Variants in TSC22D2 observed in about 807,000 individuals in gnomAD.
The protein encoded by TSC22D2 is TSC22 domain family protein 2.
TSC22D2 carries 5 observed loss-of-function variants against 50.1 expected under a neutral mutation model. The ratio of observed to expected loss-of-function variants is 0.10; its 90% CI spans 0.05 to 0.21. TSC22D2 has a LOEUF of 0.21. Among genes scored for constraint, TSC22D2 ranks in the 10% least tolerant of loss-of-function variants. TSC22D2 has a pLI of 1.00. For missense variants in TSC22D2, 1,003 were observed against 1,015.5 expected (o/e 0.99, Z 0.17); for synonymous variants, 501 against 450.1 (o/e 1.11, Z -1.43).
At chr3:150,445,492 CATAAAT>C (rs1426762745) in intron 1 of TSC22D2, among the ~76,000 whole-genome samples, 1 of 151,824 alleles carries the variant, frequency 6.6e-6, no homozygotes, top group Admixed American at 6.6e-5. Context: ...TTGGGTGAAA[CATAAAT>C]ATAAAACCTG....
Position 150,408,723 on chromosome 3 carries a change from G to C in TSC22D2, c.-628G>C, listed in dbSNP as rs1424058119. ...GCCGGGGAGGGAGGGCCGCCTGCCC[G>C]CGCCACAGCCCCACCGCCCGCCCGC... On this transcript the variant is annotated 5_prime_UTR_variant, in exon 1 of 3. Transcript: ENST00000688009. 7.8e-5 allele frequency: 12 copies of C among 152,978 alleles called. No homozygotes were observed. In the Admixed American group the frequency reaches 7.8e-4, roughly 10 times the overall value. 9.5% of individuals were successfully genotyped at this position (152,978 alleles called of 1,614,324 possible). A position where few individuals can be genotyped will look rare whatever the true frequency, so the allele number is the denominator to read the frequency against.
intron 1 of TSC22D2, among the ~76,000 whole-genome samples, chr3:150,421,043 A>T (rs889650046): frequency 3.3e-5 from 5 of 152,234 alleles, no homozygotes; most frequent in South Asian, 2.1e-4. Flanking sequence ...CGATTGTGCC[A>T]TTGCACTCCA....
At position 150,410,649 on chromosome 3, in the gene TSC22D2, C is replaced by T. The variant is rs1397001193; in HGVS notation, c.1299C>T (p.Pro433=). 3 of 1,553,598 alleles carry T rather than the reference C, an allele frequency of 1.9e-6. No homozygotes were observed. The highest frequency in any genetic ancestry group is 1.9e-5 in the Admixed American group (1 of 52,034). ...GAQLMGASSQ[P]SEAMAPRTGP... The stretch of plus-strand genomic sequence containing the variant: ...AGCTCATGGGCGCGTCTTCCCAGCC[C>T]AGCGAAGCCATGGCCCCCCGGACGG... Residue 433 remains proline, a synonymous_variant, in exon 1 of 3, where the codon CCC becomes CCT. Transcript: ENST00000688009.
At position 150,411,061 on chromosome 3, in the gene TSC22D2, A is replaced by G; in HGVS notation, c.1711A>G (p.Ser571Gly). 2 of 1,614,208 alleles carry G rather than the reference A, an allele frequency of 1.2e-6. No homozygotes were observed. Among genetic ancestry groups the G allele is most frequent in the Non-Finnish European group, 1.7e-6 (2 of 1,180,036 alleles). Reference sequence around the variant, plus strand: ...GCCAGGCACACACAGCGCACCAACAAGTCTACCACAGTCTGACCTAAGCCA... The same window carrying G: ...GCCAGGCACACACAGCGCACCAACAGGTCTACCACAGTCTGACCTAAGCCA... ...LAPGTHSAPT[S>G]LPQSDLSQFQ... The change falls in exon 1 of 3, where the codon AGT (serine) becomes GGT (glycine). Residue 571 changes from serine (S) to glycine (G), a missense_variant. Around this residue, in one of 6 missense-constraint regions of TSC22D2, gnomAD observed 696 missense variants for 647.8 expected, o/e 1.07. Transcript: ENST00000688009.
chr3:150,458,578 T>TAGCACAGCCTCCGCAGCC lies in TSC22D2; in HGVS notation c.2215_2232dup (p.Ala739_Pro744dup). On this transcript the variant is annotated inframe_insertion, in exon 3 of 3. Coordinates refer to ENST00000688009, the MANE Select transcript of TSC22D2 (RefSeq NM_001303264.2). ...AGCACTTCTCAACAGCAAGCAGTGA[T>TAGCACAGCCTCCGCAGCC]AGCACAGCCTCCGCAGCCAACGCAA... 1 of 1,614,176 alleles carries TAGCACAGCCTCCGCAGCC rather than the reference T, an allele frequency of 6.2e-7. No individual in the cohort carries two copies. Among genetic ancestry groups the TAGCACAGCCTCCGCAGCC allele is most frequent in the East Asian group, 2.2e-5 (1 of 44,880 alleles).
At chr3:150,434,706 G>T (rs562792622) in intron 1 of TSC22D2, among the ~76,000 whole-genome samples, 5 of 152,094 alleles carry the variant, frequency 3.3e-5, no homozygotes, top group Non-Finnish European at 7.4e-5. Context: ...GTGTATTAAT[G>T]AAATTCTTTA....
chr3:150,434,152 GT>G (rs75231849), intron 1 of TSC22D2, among the ~76,000 whole-genome samples: 71,664 of 135,184 alleles, frequency 0.53, 17,587 homozygotes, highest in Non-Finnish European at 0.59. Context: ...AGGGTTTTTT[GT>G]TTTTTTTTTT....
intron 1 of TSC22D2, among the ~76,000 whole-genome samples, chr3:150,412,928 C>T (rs1359546168): frequency 6.6e-6 from 1 of 152,182 alleles, no homozygotes; most frequent in African/African-American, 2.4e-5. Context: ...TTGCTTTCCT[C>T]TGTTCCTGTA....
In TSC22D2 at chr3:150,410,294, A is replaced by G; in HGVS notation, c.944A>G (p.Gln315Arg). 1.3e-6 allele frequency: 2 copies of G among 1,564,488 alleles called. No individual in the cohort carries two copies. The highest frequency in any genetic ancestry group is 1.7e-4 in the Middle Eastern group (1 of 5,744). ...MMAAAQPSQP[Q>R]GAGPGGQTLP... The stretch of plus-strand genomic sequence containing the variant: ...GCAGCCGCGCAGCCCAGCCAGCCCC[A>G]GGGAGCGGGGCCCGGGGGACAGACT... The change falls in exon 1 of 3, where the codon CAG (glutamine) becomes CGG (arginine). Residue 315 changes from glutamine (Q) to arginine (R), a missense_variant. Around this residue, in one of 6 missense-constraint regions of TSC22D2, gnomAD observed 696 missense variants for 647.8 expected, o/e 1.07. Transcript: ENST00000688009.
rs1721297843 is a variant in TSC22D2 at position 150,459,268 on chromosome 3, A to G, written c.*632A>G. On this transcript the variant is annotated 3_prime_UTR_variant, in exon 3 of 3. Transcript: ENST00000688009. ...ACACTAATGGCAATTTACTTATGGT[A>G]TTTATTTTCAGTAGTAAAGACCCAG... 6.6e-6 allele frequency: 1 copy of G among 152,670 alleles called. No individual in the cohort carries two copies. Among genetic ancestry groups the G allele is most frequent in the Non-Finnish European group, 1.5e-5 (1 of 68,064 alleles). The allele number at this position is 152,670 out of a possible 1,614,324, so 9.5% of individuals were successfully genotyped here.
Position 150,411,303 on chromosome 3 carries a change from A to G in TSC22D2, c.1953A>G (p.Glu651=). ...TAGCTATTCCTGTTGATGGTGATGA[A>G]GACAGGTATGGAAATCTCTATTTTA... ...FSIAIPVDGD[E]DSASGGGVVA... The change falls in exon 1 of 3, where the codon GAA becomes GAG. Residue 651 remains glutamate (E), a synonymous_variant. Transcript: ENST00000688009. The G allele has an allele frequency of 6.2e-7, 1 of 1,605,832 alleles. No individual in the cohort carries two copies.
At chr3:150,421,390 A>G (rs1299762465) in intron 1 of TSC22D2, among the ~76,000 whole-genome samples, 3 of 152,146 alleles carry the variant, frequency 2.0e-5, no homozygotes, top group African/African-American at 7.2e-5. Flanking sequence ...GTTAGTTTTC[A>G]TTTGATTTGG....
chr3:150,415,363 GCTGA>G (rs1719762234), intron 1 of TSC22D2, among the ~76,000 whole-genome samples: 3 of 152,114 alleles, frequency 2.0e-5, no homozygotes, highest in African/African-American at 4.8e-5. Flanking sequence ...CAGATTTCCA[GCTGA>G]CTATTTTAGT....
chr3:150,457,922 C>T (rs555232049), intron 2 of TSC22D2, among the ~76,000 whole-genome samples: 2 of 152,274 alleles, frequency 1.3e-5, no homozygotes, highest in African/African-American at 4.8e-5. Flanking sequence ...CGGTGTGAGA[C>T]CTTACAGGAC....
chr3:150,444,452 G>T (rs577713501), intron 1 of TSC22D2, among the ~76,000 whole-genome samples: 1 of 152,276 alleles, frequency 6.6e-6, no homozygotes, highest in South Asian at 2.1e-4. Flanking sequence ...TAATTCAAGA[G>T]AAAGGAACAT....
In TSC22D2 at chr3:150,409,395, C is replaced by G; in HGVS notation, c.45C>G (p.Thr15=). The change falls in exon 1 of 3, where the codon ACC becomes ACG. Residue 15 remains threonine (T), a synonymous_variant. Transcript: ENST00000688009. The surrounding 1 kb of genome is among the most constrained non-coding windows in gnomAD (Gnocchi z 7.4). ...AGAAGAAGAGCTGCTTCCAGATCACCAGTGTCACCACGGCCCAGGTGGCCA... is the reference window on the plus strand; with the variant it reads ...AGAAGAAGAGCTGCTTCCAGATCACGAGTGTCACCACGGCCCAGGTGGCCA... ...PAKKKSCFQI[T]SVTTAQVATS... 1 of 1,611,660 alleles carries G rather than the reference C, an allele frequency of 6.2e-7. No homozygotes were observed. The highest frequency in any genetic ancestry group is 8.5e-7 in the Non-Finnish European group (1 of 1,178,318).
At chr3:150,439,787 C>T (rs79468327) in intron 1 of TSC22D2, among the ~76,000 whole-genome samples, 2 of 151,968 alleles carry the variant, frequency 1.3e-5, no homozygotes, top group African/African-American at 4.8e-5. Flanking sequence ...AAGTATGAGT[C>T]GTGAAAGAAA....
chr3:150,414,679 A>G (rs1489441871), intron 1 of TSC22D2, among the ~76,000 whole-genome samples: 1 of 152,162 alleles, frequency 6.6e-6, no homozygotes, highest in African/African-American at 2.4e-5. Flanking sequence ...TGTGCCATAA[A>G]TACACATTTT....
rs376798679 is a variant in TSC22D2, at chr3:150,421,628, A to T, written c.1958+10320A>T. ...GCAAGCAATGAGAAATACACGTATT[A>T]GTCTCCTAATTAATCAAACAGTTAC... is the stretch of plus-strand genomic sequence containing the variant. On this transcript the variant is annotated intron_variant, in intron 1 of 2. Coordinates refer to ENST00000688009, the MANE Select transcript of TSC22D2 (RefSeq NM_001303264.2). Among the ~76,000 whole-genome samples, 196 of 152,340 alleles carry T rather than the reference A, an allele frequency of 1.3e-3. 1 individual carries two copies. In the South Asian group the frequency reaches 0.023, roughly 18 times the overall value.
Sources: allele counts gnomAD v4.1 joint callset (sites outside exome capture counted in the v4.1 genomes callset), GRCh38; gene constraint gnomAD v4.1.1; regional missense constraint gnomAD v4.1.1; non-coding constraint Gnocchi (gnomAD v3.1); transcripts MANE v1.5; gene names NCBI Gene and HGNC (gene_info 2026-07-23, HGNC 2026-07-21).